The following PRKN variants were observed in gnomAD, a reference collection of about 807,000 sequenced individuals.
PRKN encodes parkin RBR E3 ubiquitin protein ligase, also known as E3 ubiquitin-protein ligase parkin.
PRKN carries 56 observed loss-of-function variants against 59.5 expected under a neutral mutation model. That is an observed-to-expected ratio of 0.94 (90% CI 0.76 to 1.18). The LOEUF (loss-of-function observed/expected upper bound fraction) is 1.18, where lower values mean the gene tolerates loss of function less well. PRKN is among the 50% of genes most tolerant of loss of function. PRKN has a pLI of 0.00. For synonymous variants in PRKN, 250 were observed against 222.1 expected, an observed-to-expected ratio of 1.13 and a Z score of -1.12; for missense variants, 657 against 596.4, an observed-to-expected ratio of 1.10 and a Z score of -1.06.
chr6:161,931,316 T>C (rs1437126813), intron 6 of PRKN, among the ~76,000 whole-genome samples: 2 of 152,120 alleles, frequency 1.3e-5, no homozygotes, highest in Non-Finnish European at 2.9e-5. Flanking sequence ...TATGTGTCTG[T>C]AGTCCCAGCT....
At chr6:162,083,082 G>A (rs576358257) in intron 4 of PRKN, among the ~76,000 whole-genome samples, 64 of 152,102 alleles carry the variant, frequency 4.2e-4, no homozygotes, top group Admixed American at 7.2e-4. Flanking sequence ...AGCCTCCCAA[G>A]TAGCTTGGAT....
chr6:162,398,303 GTAGT>G (rs1327210542), intron 2 of PRKN, among the ~76,000 whole-genome samples: 1 of 151,834 alleles, frequency 6.6e-6, no homozygotes, highest in Non-Finnish European at 1.5e-5. Context: ...ATTATCATAG[GTAGT>G]TATAATGTTT....
At chr6:162,422,903 G>A (rs577803053) in intron 2 of PRKN, among the ~76,000 whole-genome samples, 4 of 132,762 alleles carry the variant, frequency 3.0e-5, no homozygotes, top group South Asian at 4.9e-4. Context: ...CCGAGATCGC[G>A]CCACTGCGCT....
chr6:161,516,663 A>G (rs1339581329), intron 9 of PRKN, among the ~76,000 whole-genome samples: 1 of 150,996 alleles, frequency 6.6e-6, no homozygotes, highest in Non-Finnish European at 1.5e-5. Flanking sequence ...CTCCATCTCC[A>G]CTAAAAAACA....
intron 7 of PRKN, among the ~76,000 whole-genome samples, chr6:161,640,945 G>C (rs1783716110): frequency 6.6e-6 from 1 of 152,234 alleles, no homozygotes; most frequent in Non-Finnish European, 1.5e-5. Flanking sequence ...TCAGCAAGAA[G>C]GCTGGAAAGC....
chr6:162,426,886 A>C (rs1215753531), intron 2 of PRKN, among the ~76,000 whole-genome samples: 1 of 152,232 alleles, frequency 6.6e-6, no homozygotes, highest in African/African-American at 2.4e-5. Flanking sequence ...TAATGTGGGA[A>C]ATCTTATACA....
intron 5 of PRKN, among the ~76,000 whole-genome samples, chr6:162,022,033 T>C (rs950954777): frequency 2.0e-5 from 3 of 150,142 alleles, no homozygotes; most frequent in Non-Finnish European, 4.4e-5. Context: ...GATTTTGATC[T>C]TTTTTTTTGG....
chr6:162,052,726 C>T (rs1395498199), intron 5 of PRKN, among the ~76,000 whole-genome samples: 1 of 151,998 alleles, frequency 6.6e-6, no homozygotes, highest in Non-Finnish European at 1.5e-5. Flanking sequence ...TAACATTATA[C>T]ACATAATGTT....
At chr6:161,824,814 T>C (rs1170793910) in intron 6 of PRKN, among the ~76,000 whole-genome samples, 3 of 152,232 alleles carry the variant, frequency 2.0e-5, no homozygotes, top group African/African-American at 4.8e-5. Context: ...TGACATGATA[T>C]ACTAACATTG....
chr6:162,200,358 G>T (rs553259648), intron 4 of PRKN, among the ~76,000 whole-genome samples: 4 of 152,118 alleles, frequency 2.6e-5, no homozygotes, highest in African/African-American at 9.7e-5. Flanking sequence ...AGTATGTATT[G>T]CAGGCTTTGT....
rs1779058785 is a variant in PRKN, at chr6:161,527,545, C to T, written c.1083+21309G>A. ...CTTCTGCTACCAAGTGCTGTGGCCT[C>T]TCTCTGCCTGAGGGGTGGAGTGAGG... On this transcript the variant is annotated intron_variant, in intron 9 of 11. Coordinates refer to ENST00000366898, the MANE Select transcript of PRKN (RefSeq NM_004562.3). The surrounding 1 kb of genome is among the most constrained non-coding windows in gnomAD (Gnocchi z 4.6). Among the ~76,000 whole-genome samples, 1 of 152,218 alleles carries T rather than the reference C, an allele frequency of 6.6e-6. No individual in the cohort carries two copies. The highest frequency in any genetic ancestry group is 1.5e-5 in the Non-Finnish European group (1 of 68,050).
intron 3 of PRKN, among the ~76,000 whole-genome samples, chr6:162,260,530 TAG>T (rs370955221): frequency 9.3e-5 from 14 of 150,614 alleles, no homozygotes; most frequent in Admixed American, 1.3e-4. Context: ...TATTATGGTC[TAG>T]AGAGAGAGAG....
rs1205143694 is a variant in PRKN, at chr6:161,429,648, CA to C, written c.1084-42772del. Among the ~76,000 whole-genome samples the C allele has an allele frequency of 6.6e-6, 1 of 152,044 alleles. No homozygotes were observed. Among genetic ancestry groups the C allele is most frequent in the Non-Finnish European group, 1.5e-5 (1 of 68,028 alleles). ...GGCTGCTGGTTTCAGGTTTGGGCCACAAGTAGATCAATGAAGAAAGAGGAAT... is the reference window on the plus strand; with the variant it reads ...GGCTGCTGGTTTCAGGTTTGGGCCACAGTAGATCAATGAAGAAAGAGGAAT... On this transcript the variant is annotated intron_variant, in intron 9 of 11. Transcript: ENST00000366898. This position sits in a 1 kb window ranked among gnomAD's most constrained non-coding sequence, Gnocchi z 4.2.
chr6:162,500,017 G>C (rs552746328), intron 1 of PRKN, among the ~76,000 whole-genome samples: 2 of 151,938 alleles, frequency 1.3e-5, no homozygotes, highest in African/African-American at 2.4e-5. Context: ...CAAGGACTTG[G>C]TCATGACAAT....
At chr6:161,802,387 C>T (rs1791119174) in intron 6 of PRKN, among the ~76,000 whole-genome samples, 2 of 151,698 alleles carry the variant, frequency 1.3e-5, no homozygotes, top group South Asian at 4.2e-4. Context: ...CCACACAGGC[C>T]CCACATATGA....
chr6:162,205,747 G>T (rs1583196251), intron 3 of PRKN, among the ~76,000 whole-genome samples: 1 of 132,208 alleles, frequency 7.6e-6, no homozygotes, highest in African/African-American at 2.6e-5. Context: ...TACACACACA[G>T]ACACACACAC....
At chr6:161,673,604 T>C (rs1784985565) in intron 7 of PRKN, among the ~76,000 whole-genome samples, 1 of 152,152 alleles carries the variant, frequency 6.6e-6, no homozygotes, top group Non-Finnish European at 1.5e-5. Context: ...AATTTTAAAA[T>C]GACTGCTCTG....
Position 162,544,355 on chromosome 6 carries a change from T to C in PRKN, c.8-100882A>G, listed in dbSNP as rs1057505816. On this transcript the variant is annotated intron_variant, in intron 1 of 11. Coordinates refer to ENST00000366898, the MANE Select transcript of PRKN (RefSeq NM_004562.3). ...TTACACAGCAACAGAGGAATGCTCA[T>C]AGCACAGAATTAAATAGAGATTCTA... 4.6e-5 allele frequency among the ~76,000 whole-genome samples: 7 copies of C among 152,204 alleles called. No individual in the cohort carries two copies. The South Asian group carries it at 6.2e-4, about 14-fold the overall frequency.
At position 161,525,381 on chromosome 6, in the gene PRKN, G is replaced by C. The variant is rs1778980654; in HGVS notation, c.1083+23473C>G. Among the ~76,000 whole-genome samples the C allele has an allele frequency of 6.6e-6, 1 of 152,120 alleles. No individual in the cohort carries two copies. Among genetic ancestry groups the C allele is most frequent in the Admixed American group, 6.6e-5 (1 of 15,266 alleles). On this transcript the variant is annotated intron_variant, in intron 9 of 11. Coordinates refer to ENST00000366898, the MANE Select transcript of PRKN (RefSeq NM_004562.3). This position sits in a 1 kb window ranked among gnomAD's most constrained non-coding sequence, Gnocchi z 4.7. ...GGACTTTCCTCCTGGAGCCTAGCCTGCCAGTGAGTAGGCTGCTCTGATCTC... is the reference window on the plus strand; with the variant it reads ...GGACTTTCCTCCTGGAGCCTAGCCTCCCAGTGAGTAGGCTGCTCTGATCTC...
Sources: gnomAD v4.1 joint callset for allele counts (sites outside exome capture counted in the v4.1 genomes callset) on GRCh38, gnomAD v4.1.1 for gene constraint, Gnocchi (gnomAD v3.1) non-coding constraint, MANE v1.5 for transcripts, NCBI Gene and HGNC (gene_info 2026-07-23, HGNC 2026-07-21) for gene names.